The following TENT2 variants were observed in gnomAD, a reference collection of about 807,000 sequenced individuals.
TENT2 encodes poly(A) RNA polymerase GLD2.
TENT2 carries 44 observed loss-of-function variants against 72.2 expected under a neutral mutation model. The observed-to-expected ratio is 0.61, with a 90% CI of 0.48 to 0.78. TENT2 has a LOEUF of 0.78. Among genes scored for constraint, TENT2 ranks in the 30% least tolerant of loss-of-function variants. TENT2 has a pLI of 0.00. For synonymous variants in TENT2, 212 were observed against 192.5 expected (o/e 1.10, Z -0.84); for missense variants, 541 against 569.6 (o/e 0.95, Z 0.51).
intron 13 of TENT2, among the ~76,000 whole-genome samples, chr5:79,681,024 T>C (rs1456688457): frequency 1.3e-5 from 2 of 152,052 alleles, no homozygotes; most frequent in African/African-American, 4.8e-5. Context: ...AGTATATATA[T>C]TGGAGACACA....
rs965078699 is a variant in TENT2, at chr5:79,649,629, A to C, written c.1027+439A>C. Among the ~76,000 whole-genome samples the C allele has an allele frequency of 1.3e-5, 2 of 152,084 alleles. 1 individual carries two copies. The highest frequency in any genetic ancestry group is 4.1e-4 in the South Asian group (2 of 4,830). Reference sequence around the variant, plus strand: ...CCCTCCTTAACTAGATTTTATCTTCATAGGGCTGTTTTATCAGATTGGCTC... The same window carrying C: ...CCCTCCTTAACTAGATTTTATCTTCCTAGGGCTGTTTTATCAGATTGGCTC... On this transcript the variant is annotated intron_variant, in intron 10 of 14. Coordinates refer to ENST00000453514, the MANE Select transcript of TENT2 (RefSeq NM_001114394.3).
intron 12 of TENT2, among the ~76,000 whole-genome samples, chr5:79,673,124 C>T (rs560354341): frequency 9.9e-5 from 15 of 152,184 alleles, no homozygotes; most frequent in Admixed American, 5.9e-4. Flanking sequence ...ATCTTCTGTC[C>T]GTGTTTTAAT....
At chr5:79,657,329 T>C (rs149302481) in intron 11 of TENT2, among the ~76,000 whole-genome samples, 93 of 152,256 alleles carry the variant, frequency 6.1e-4, no homozygotes, top group Middle Eastern at 3.4e-3. Flanking sequence ...TTTTAAAATA[T>C]AGCTTCACAG....
rs116953497 is a variant in TENT2 at position 79,665,790 on chromosome 5, G to A, written c.1072-3102G>A. ...AGAGGTGGATGTTATCAGTTTAATT[G>A]CTATTCTGTGGACTGACTTTGTAAT... On this transcript the variant is annotated intron_variant, in intron 11 of 14. Transcript: ENST00000453514. Among the ~76,000 whole-genome samples, 12 of 152,086 alleles carry A rather than the reference G, an allele frequency of 7.9e-5. No individual in the cohort carries two copies. The East Asian group carries it at 2.3e-3, about 29-fold the overall frequency.
At chr5:79,643,909 T>C (rs540589530) in intron 7 of TENT2, among the ~76,000 whole-genome samples, 31 of 152,220 alleles carry the variant, frequency 2.0e-4, no homozygotes, top group African/African-American at 6.7e-4. Context: ...CCTGTACTTA[T>C]TACTCAAAAC....
chr5:79,668,402 A>T (rs1040154956), intron 11 of TENT2, among the ~76,000 whole-genome samples: 1 of 152,108 alleles, frequency 6.6e-6, no homozygotes, highest in Non-Finnish European at 1.5e-5. Context: ...AAAATCTTAA[A>T]ATTAGTATAA....
Position 79,686,763 on chromosome 5 carries a change from AT to A in TENT2, c.*1491del, listed in dbSNP as rs1826178102. ...AGCCAGCTAACGACATCAATATCTT[AT>A]GTCTCTGGCATTATGAGGAATGAAA... is the stretch of plus-strand genomic sequence containing the variant. On this transcript the variant is annotated 3_prime_UTR_variant, in exon 15 of 15. Coordinates refer to ENST00000453514, the MANE Select transcript of TENT2 (RefSeq NM_001114394.3). The A allele has an allele frequency of 6.6e-6, 1 of 152,236 alleles. No homozygotes were observed. The highest frequency in any genetic ancestry group is 2.4e-5 in the African/African-American group (1 of 41,560). 9.4% of individuals were successfully genotyped at this position (152,236 alleles called of 1,614,324 possible). A position where few individuals can be genotyped will look rare whatever the true frequency, so the allele number is the denominator to read the frequency against.
intron 4 of TENT2, among the ~76,000 whole-genome samples, chr5:79,637,159 A>C (rs1292270632): frequency 1.3e-5 from 2 of 152,030 alleles, no homozygotes; most frequent in African/African-American, 4.8e-5. Context: ...GCTTGACAGG[A>C]GGTCAAGACA....
At chr5:79,659,593 T>TATATAA (rs1348206904) in intron 11 of TENT2, among the ~76,000 whole-genome samples, 27 of 121,848 alleles carry the variant, frequency 2.2e-4, no homozygotes, top group East Asian at 1.3e-3. Flanking sequence ...TATATATATA[T>TATATAA]AATAGCCATC....
At chr5:79,620,193 C>A in intron 3 of TENT2, 110 bp downstream of exon 3, 1 of 684,630 alleles carries the variant, frequency 1.5e-6, no homozygotes, top group Non-Finnish European at 2.4e-6. Flanking sequence ...GTTTTGTTTT[C>A]TGGGACCTGT....
intron 4 of TENT2, among the ~76,000 whole-genome samples, chr5:79,629,778 G>A (rs2150144365): frequency 6.7e-6 from 1 of 149,580 alleles, no homozygotes; most frequent in East Asian, 2.0e-4. Context: ...AGTGAGCCGA[G>A]ATCGTGCCAC....
chr5:79,635,290 A>G (rs932858688), intron 4 of TENT2, among the ~76,000 whole-genome samples: 5 of 152,210 alleles, frequency 3.3e-5, no homozygotes, highest in African/African-American at 9.7e-5. Context: ...GTAAAGTAAT[A>G]TGATTTGATA....
intron 12 of TENT2, among the ~76,000 whole-genome samples, chr5:79,676,034 G>C (rs1382644542): frequency 6.6e-6 from 1 of 151,804 alleles, no homozygotes; most frequent in East Asian, 1.9e-4. Context: ...CCCTACCTAC[G>C]ACATTTGAAA....
chr5:79,626,593 C>T (rs917255992), intron 4 of TENT2, among the ~76,000 whole-genome samples: 62 of 151,562 alleles, frequency 4.1e-4, no homozygotes, highest in Admixed American at 1.3e-3. Context: ...AGGCGTGAAC[C>T]CCCGCACCCG....
chr5:79,625,473 G>A (rs1768757024), intron 4 of TENT2, among the ~76,000 whole-genome samples: 1 of 151,986 alleles, frequency 6.6e-6, no homozygotes, highest in Non-Finnish European at 1.5e-5. Context: ...AGAAACCATT[G>A]TTAAAGGTCA....
At chr5:79,623,050 T>C (rs1766412602) in intron 3 of TENT2, among the ~76,000 whole-genome samples, 2 of 141,180 alleles carry the variant, frequency 1.4e-5, no homozygotes, top group African/African-American at 6.1e-5. Flanking sequence ...TCTCCATTAT[T>C]ACTATTTTTT....
At chr5:79,661,667 C>T (rs894575769) in intron 11 of TENT2, among the ~76,000 whole-genome samples, 3 of 152,208 alleles carry the variant, frequency 2.0e-5, no homozygotes, top group Non-Finnish European at 4.4e-5. Context: ...AAAATGCTAA[C>T]AATCAGCTGA....
chr5:79,623,318 A>T lies in TENT2; in HGVS notation c.294A>T (p.Gln98His). Residue 98 changes from glutamine to histidine, a missense_variant, in exon 4 of 15, where the codon CAA becomes CAT. Coordinates refer to ENST00000453514, the MANE Select transcript of TENT2 (RefSeq NM_001114394.3). ...GGCAACGTTTCCATTCACCCCACCA[A>T]GAGCCAACTGTAGTTAACCAGATAG... is the stretch of plus-strand genomic sequence containing the variant. ...GKRQRFHSPH[Q>H]EPTVVNQIVP... 1 of 1,613,760 alleles carries T rather than the reference A, an allele frequency of 6.2e-7. No homozygotes were observed. Among genetic ancestry groups the T allele is most frequent in the Non-Finnish European group, 8.5e-7 (1 of 1,179,784 alleles).
chr5:79,623,188 T>G (rs34748406), intron 3 of TENT2, 64 bp from the exon 4 acceptor site: 1 of 1,126,962 alleles, frequency 8.9e-7, no homozygotes. Context: ...ATATATTTAA[T>G]TGCTTTTTAT....
Sources: allele counts gnomAD v4.1 joint callset (sites outside exome capture counted in the v4.1 genomes callset), GRCh38; gene constraint gnomAD v4.1.1; transcripts MANE v1.5; gene names NCBI Gene and HGNC (gene_info 2026-07-23, HGNC 2026-07-21).